The following RB1 variants were observed in gnomAD, a reference collection of about 807,000 sequenced individuals.
RB1 encodes the protein RB transcriptional corepressor 1.
In RB1, 18 loss-of-function variants were observed where a neutral mutation model predicts 135.4. The observed-to-expected ratio is 0.13, with a 90% CI of 0.09 to 0.20. The LOEUF is 0.20. Ranked by LOEUF, RB1 falls within the 10% of genes least tolerant of loss-of-function variation. The pLI is 1.00. For synonymous variants in RB1, 365 were observed against 373.2 expected, an observed-to-expected ratio of 0.98 and a Z score of 0.25; for missense variants, 868 against 1,110.0, an observed-to-expected ratio of 0.78 and a Z score of 3.10.
At position 48,377,397 on chromosome 13, in the gene RB1, T is replaced by C. The variant is rs4151535; in HGVS notation, c.1332+363T>C. On this transcript the variant is annotated intron_variant, in intron 13 of 26. Transcript: ENST00000267163. Reference sequence around the variant, plus strand: ...TGAATGGGACTATACATGCCATTTGTCAGTGATATTATTGAGTGATATTAT... The same window carrying C: ...TGAATGGGACTATACATGCCATTTGCCAGTGATATTATTGAGTGATATTAT... 1.1e-4 allele frequency among the ~76,000 whole-genome samples: 16 copies of C among 152,318 alleles called. 1 individual carries two copies. In the East Asian group the frequency reaches 2.7e-3, roughly 26 times the overall value.
At chr13:48,453,673 G>A (rs1949342949) in intron 18 of RB1, among the ~76,000 whole-genome samples, 1 of 152,176 alleles carries the variant, frequency 6.6e-6, no homozygotes, top group Non-Finnish European at 1.5e-5. Flanking sequence ...GCCCAGGAGA[G>A]AGATCTGTGC....
chr13:48,446,904 T>A (rs1412064981), intron 17 of RB1, among the ~76,000 whole-genome samples: 1 of 152,124 alleles, frequency 6.6e-6, no homozygotes, highest in Non-Finnish European at 1.5e-5. Context: ...TGCAGGGTTT[T>A]GAGTGTGGAG....
intron 2 of RB1, chr13:48,341,146 C>G (rs942888666): frequency 6.6e-6 from 1 of 152,072 alleles, no homozygotes; most frequent in East Asian, 1.9e-4. Context: ...TTGGTTTTGC[C>G]TTTTCTAGAA....
intron 2 of RB1, among the ~76,000 whole-genome samples, chr13:48,339,539 G>A (rs1236407884): frequency 6.6e-6 from 1 of 151,914 alleles, no homozygotes; most frequent in Non-Finnish European, 1.5e-5. Flanking sequence ...GTATTAGGGT[G>A]GGAGTGACCC....
intron 2 of RB1, among the ~76,000 whole-genome samples, chr13:48,312,048 G>T (rs994221522): frequency 6.6e-6 from 1 of 152,142 alleles, no homozygotes; most frequent in African/African-American, 2.4e-5. Flanking sequence ...TACAAGTTTA[G>T]AATTTTTATG....
At chr13:48,380,130 G>A (rs1242690082) in intron 15 of RB1, 35 bp from the exon 16 acceptor site, 7 of 1,479,176 alleles carry the variant, frequency 4.7e-6, no homozygotes, top group Non-Finnish European at 6.4e-6. Flanking sequence ...TTTTATAGAA[G>A]TAAGTATTTT....
intron 17 of RB1, among the ~76,000 whole-genome samples, chr13:48,382,109 A>G (rs1317307848): frequency 6.6e-6 from 1 of 152,068 alleles, no homozygotes; most frequent in Admixed American, 6.6e-5. Flanking sequence ...CCAGTCTATT[A>G]TTGTTGGACA....
chr13:48,320,413 G>A (rs1952224362), intron 2 of RB1: 1 of 1,116,254 alleles, frequency 9.0e-7, no homozygotes, highest in Non-Finnish European at 1.3e-6. Context: ...GCTCCCTGGT[G>A]GGCCAAAGGC....
intron 17 of RB1, among the ~76,000 whole-genome samples, chr13:48,408,131 T>A (rs992543588): frequency 1.3e-5 from 2 of 152,112 alleles, no homozygotes; most frequent in African/African-American, 4.8e-5. Context: ...AGTGACTAAT[T>A]TCTTTAAATA....
At chr13:48,317,515 G>A in intron 2 of RB1, 1 of 445,884 alleles carries the variant, frequency 2.2e-6, no homozygotes, top group Non-Finnish European at 4.1e-6. Flanking sequence ...GCTCCCCCCA[G>A]CACCTCCGGC....
intron 17 of RB1, among the ~76,000 whole-genome samples, chr13:48,446,521 T>C (rs1566230824): frequency 6.6e-6 from 1 of 152,102 alleles, no homozygotes; most frequent in Non-Finnish European, 1.5e-5. Context: ...CAAGTGGTGA[T>C]CAATACTATG....
chr13:48,480,059 G>A lies in RB1; in HGVS notation c.2775G>A (p.Lys925=), dbSNP rs936709957. The change falls in exon 27 of 27, where the codon AAG becomes AAA. Residue 925 remains lysine, a synonymous_variant. Coordinates refer to ENST00000267163, the MANE Select transcript of RB1 (RefSeq NM_000321.3). Reference sequence around the variant, plus strand: ...ATGATAGCATGGATACCTCAAACAAGGAAGAGAAATGAGGATCTCAGGACC... The same window carrying A: ...ATGATAGCATGGATACCTCAAACAAAGAAGAGAAATGAGGATCTCAGGACC... ...KMNDSMDTSN[K]EEK The A allele has an allele frequency of 3.7e-6, 6 of 1,612,454 alleles. No individual in the cohort carries two copies. Among genetic ancestry groups the A allele is most frequent in the African/African-American group, 2.7e-5 (2 of 74,842 alleles).
intron 6 of RB1, among the ~76,000 whole-genome samples, chr13:48,350,256 G>T (rs531756671): frequency 6.6e-6 from 1 of 152,120 alleles, no homozygotes; most frequent in Non-Finnish European, 1.5e-5. Context: ...TCTGCATATT[G>T]ATCATTCTCA....
rs1952212296 is a variant in RB1 at position 48,319,101 on chromosome 13, A to T, written c.264+11695A>T. ...GACCGTTCTACAAACTCGTTCCTGGAAGCCGGGCTCGCTGGAGGCGGAGCT... is the reference window on the plus strand; with the variant it reads ...GACCGTTCTACAAACTCGTTCCTGGTAGCCGGGCTCGCTGGAGGCGGAGCT... On this transcript the variant is annotated intron_variant, in intron 2 of 26. Coordinates refer to ENST00000267163, the MANE Select transcript of RB1 (RefSeq NM_000321.3). This position sits in a 1 kb window ranked among gnomAD's most constrained non-coding sequence, Gnocchi z 5.0. The T allele has an allele frequency of 1.6e-6, 1 of 613,304 alleles. No homozygotes were observed. The highest frequency in any genetic ancestry group is 3.0e-6 in the Non-Finnish European group (1 of 331,580). The allele number at this position is 613,304 out of a possible 1,614,324, so 38.0% of individuals were successfully genotyped here. A position where few individuals can be genotyped will look rare whatever the true frequency, so the allele number is the denominator to read the frequency against.
chr13:48,333,458 A>G (rs1952354533), intron 2 of RB1, among the ~76,000 whole-genome samples: 3 of 152,006 alleles, frequency 2.0e-5, no homozygotes, highest in Admixed American at 6.6e-5. Context: ...ACCTTTTTGG[A>G]TGGATCATTT....
At chr13:48,475,072 T>C (rs4151621) in intron 24 of RB1, among the ~76,000 whole-genome samples, 1,785 of 152,088 alleles carry the variant, frequency 0.012, 36 homozygotes, top group Middle Eastern at 0.037. Flanking sequence ...CAGGGTTTTC[T>C]ATGTTGGCCA....
At chr13:48,325,327 T>C (rs1952278303) in intron 2 of RB1, among the ~76,000 whole-genome samples, 1 of 152,202 alleles carries the variant, frequency 6.6e-6, no homozygotes, top group Non-Finnish European at 1.5e-5. Flanking sequence ...TTCCTAGTTA[T>C]ATCCATAGAA....
intron 7 of RB1, 127 bp from the exon 8 acceptor site, chr13:48,362,688 G>A: frequency 9.9e-7 from 1 of 1,011,706 alleles, no homozygotes; most frequent in Non-Finnish European, 1.5e-6. Flanking sequence ...TCCTTCTAAT[G>A]AAACCTAATA....
At chr13:48,347,321 C>G (rs1400810886) in intron 4 of RB1, among the ~76,000 whole-genome samples, 3 of 152,000 alleles carry the variant, frequency 2.0e-5, no homozygotes, top group Non-Finnish European at 4.4e-5. Flanking sequence ...GTGTACAAAG[C>G]CAAAGCAGTG....
Sources: gnomAD v4.1 joint callset for allele counts (sites outside exome capture counted in the v4.1 genomes callset) on GRCh38, gnomAD v4.1.1 for gene constraint, Gnocchi (gnomAD v3.1) non-coding constraint, MANE v1.5 for transcripts, NCBI Gene and HGNC (gene_info 2026-07-23, HGNC 2026-07-21) for gene names.